The following KCTD8 variants were observed in gnomAD, a reference collection of about 807,000 sequenced individuals.
The protein encoded by KCTD8 is potassium channel tetramerization domain containing 8, also known as BTB/POZ domain-containing protein KCTD8.
KCTD8 carries 27 observed loss-of-function variants against 31.5 expected under a neutral mutation model. That is an observed-to-expected ratio of 0.86 (90% confidence interval 0.63 to 1.18). The LOEUF (loss-of-function observed/expected upper bound fraction) is 1.18. Ranked by LOEUF, KCTD8 falls within the 50% of genes most tolerant of loss-of-function variation. The pLI, the probability that KCTD8 is intolerant of heterozygous loss-of-function variation, is 0.00. For synonymous variants in KCTD8, 290 were observed against 280.0 expected, an observed-to-expected ratio of 1.04 and a Z score of -0.36; for missense variants, 658 against 647.7, an observed-to-expected ratio of 1.02 and a Z score of -0.17.
At chr4:44,369,289 C>T (rs1389352594) in intron 1 of KCTD8, among the ~76,000 whole-genome samples, 1 of 151,974 alleles carries the variant, frequency 6.6e-6, no homozygotes, top group Non-Finnish European at 1.5e-5. Flanking sequence ...AAAACAATTC[C>T]CAAAGAAAAA....
intron 1 of KCTD8, among the ~76,000 whole-genome samples, chr4:44,289,662 C>T (rs746894405): frequency 3.3e-5 from 5 of 152,134 alleles, no homozygotes; most frequent in Non-Finnish European, 7.4e-5. Context: ...ATCCCACAAC[C>T]CCCATAGACA....
At chr4:44,312,433 T>A (rs1487143293) in intron 1 of KCTD8, among the ~76,000 whole-genome samples, 1 of 152,144 alleles carries the variant, frequency 6.6e-6, no homozygotes, top group Non-Finnish European at 1.5e-5. Context: ...CTGATGTTGG[T>A]CTTTTGTTTT....
chr4:44,303,180 C>G (rs1433870109), intron 1 of KCTD8, among the ~76,000 whole-genome samples: 1 of 152,060 alleles, frequency 6.6e-6, no homozygotes, highest in South Asian at 2.1e-4. Context: ...CTAAAATTCT[C>G]TTTTTTGATT....
intron 1 of KCTD8, among the ~76,000 whole-genome samples, chr4:44,408,015 G>A (rs1039197091): frequency 2.6e-5 from 4 of 151,840 alleles, no homozygotes; most frequent in African/African-American, 9.7e-5. Flanking sequence ...GACACTTTTC[G>A]TTACCCTTCC....
intron 1 of KCTD8, among the ~76,000 whole-genome samples, chr4:44,319,779 G>A (rs564738369): frequency 6.6e-6 from 1 of 152,244 alleles, no homozygotes; most frequent in East Asian, 1.9e-4. Context: ...AAAGAAACTG[G>A]AAGTTGCAAA....
intron 1 of KCTD8, among the ~76,000 whole-genome samples, chr4:44,257,356 A>G (rs1395128081): frequency 6.6e-6 from 1 of 152,040 alleles, no homozygotes; most frequent in East Asian, 1.9e-4. Flanking sequence ...CACTTTGGAT[A>G]AGTTAATCGA....
At chr4:44,354,115 G>A (rs4695002) in intron 1 of KCTD8, among the ~76,000 whole-genome samples, 18,124 of 151,896 alleles carry the variant, frequency 0.12, 1,331 homozygotes, top group East Asian at 0.26. Context: ...AATAACATAT[G>A]TATCCTTTCT....
At chr4:44,320,211 T>C (rs1718260131) in intron 1 of KCTD8, among the ~76,000 whole-genome samples, 1 of 136,324 alleles carries the variant, frequency 7.3e-6, no homozygotes, top group Admixed American at 7.8e-5. Context: ...AGAGAGAGAA[T>C]TGATGCTCTA....
At chr4:44,232,524 A>AGCT (rs1715152529) in intron 1 of KCTD8, among the ~76,000 whole-genome samples, 1 of 152,192 alleles carries the variant, frequency 6.6e-6, no homozygotes, top group African/African-American at 2.4e-5. Flanking sequence ...TTTTCAAGGT[A>AGCT]GCTGCATAGC....
chr4:44,198,522 G>C (rs1297926669), intron 1 of KCTD8, among the ~76,000 whole-genome samples: 1 of 152,084 alleles, frequency 6.6e-6, no homozygotes, highest in South Asian at 2.1e-4. Context: ...TCAAAGAAAA[G>C]AAATTCCAAC....
intron 1 of KCTD8, among the ~76,000 whole-genome samples, chr4:44,200,821 A>G (rs1214330260): frequency 6.6e-6 from 1 of 152,092 alleles, no homozygotes; most frequent in Admixed American, 6.6e-5. Flanking sequence ...ATCAGGTAAG[A>G]GAAAAAAGTA....
At chr4:44,398,571 T>C (rs1054795414) in intron 1 of KCTD8, among the ~76,000 whole-genome samples, 2 of 152,192 alleles carry the variant, frequency 1.3e-5, no homozygotes, top group African/African-American at 4.8e-5. Context: ...TTGATGGCCA[T>C]TATAGCAGCC....
chr4:44,192,378 T>C (rs1009673649), intron 1 of KCTD8, among the ~76,000 whole-genome samples: 1 of 151,842 alleles, frequency 6.6e-6, no homozygotes, highest in Non-Finnish European at 1.5e-5. Flanking sequence ...TAGCCTATTA[T>C]TACTGGCCTA....
intron 1 of KCTD8, among the ~76,000 whole-genome samples, chr4:44,383,633 T>G (rs1177219127): frequency 1.3e-5 from 2 of 151,992 alleles, no homozygotes; most frequent in African/African-American, 4.8e-5. Flanking sequence ...ATAATAAAAC[T>G]GGATCCCTAC....
At position 44,448,449 on chromosome 4, in the gene KCTD8, C is replaced by A. The variant is rs772318561; in HGVS notation, c.75G>T (p.Ser25=). 2 of 1,542,864 alleles carry A rather than the reference C, an allele frequency of 1.3e-6. No homozygotes were observed. Among genetic ancestry groups the A allele is most frequent in the South Asian group, 1.3e-5 (1 of 79,076 alleles). The change falls in exon 1 of 2, where the codon TCG becomes TCT. Residue 25 remains serine, a synonymous_variant. Coordinates refer to ENST00000360029, the MANE Select transcript of KCTD8 (RefSeq NM_198353.3). This position sits in a 1 kb window ranked among gnomAD's most constrained non-coding sequence, Gnocchi z 4.1. ...PISEMVSSSS[S]PGASAAAAPG... ...GGGCGGCGGCGGCCGACGCGCCGGG[C>A]GAGCTGGACGAGGAAACCATCTCGC...
chr4:44,214,145 A>G (rs1253910887), intron 1 of KCTD8, among the ~76,000 whole-genome samples: 1 of 152,188 alleles, frequency 6.6e-6, no homozygotes, highest in Non-Finnish European at 1.5e-5. Flanking sequence ...ATCCTACATA[A>G]GCTTCAATCA....
At chr4:44,374,298 TTTC>T (rs1229129253) in intron 1 of KCTD8, among the ~76,000 whole-genome samples, 4 of 152,150 alleles carry the variant, frequency 2.6e-5, no homozygotes, top group African/African-American at 9.7e-5. Context: ...GCTCCCACCT[TTTC>T]TTCTGCAGTT....
At chr4:44,408,552 A>G (rs1415370204) in intron 1 of KCTD8, among the ~76,000 whole-genome samples, 1 of 152,228 alleles carries the variant, frequency 6.6e-6, no homozygotes, top group Non-Finnish European at 1.5e-5. Context: ...TCAGGAAATT[A>G]ATGTGAAGAT....
intron 1 of KCTD8, among the ~76,000 whole-genome samples, chr4:44,378,594 A>G (rs1475827256): frequency 1.3e-5 from 2 of 152,220 alleles, no homozygotes; most frequent in Admixed American, 6.6e-5. Context: ...ACTGCTCTAG[A>G]GCAATAATTA....
Sources: gnomAD v4.1 joint callset for allele counts (sites outside exome capture counted in the v4.1 genomes callset) on GRCh38, gnomAD v4.1.1 for gene constraint, Gnocchi (gnomAD v3.1) non-coding constraint, MANE v1.5 for transcripts, NCBI Gene and HGNC (gene_info 2026-07-23, HGNC 2026-07-21) for gene names.